Variants in EGFL6 observed in about 807,000 individuals in gnomAD.
EGFL6 encodes epidermal growth factor-like protein 6.
Under a neutral mutation model 43.1 loss-of-function variants are expected in EGFL6, and 42 were observed. That is an observed-to-expected ratio of 0.98 (90% CI 0.76 to 1.26). The LOEUF is 1.26. Among genes scored for constraint, EGFL6 ranks in the 50% most tolerant of loss-of-function variants. The pLI, the probability that EGFL6 is intolerant of heterozygous loss-of-function variation, is 0.00. For synonymous variants in EGFL6, 164 were observed against 163.2 expected (o/e 1.01, Z -0.04); for missense variants, 429 against 427.8 (o/e 1.00, Z -0.02).
chrX:13,587,048 T>A (rs1351926398), intron 1 of EGFL6, among the ~76,000 whole-genome samples: 2 of 111,645 alleles, frequency 1.8e-5, no homozygotes, highest in Non-Finnish European at 3.8e-5. Flanking sequence ...AAAAGCAGAT[T>A]TGTGGTTGCC....
rs1389898648 is a variant in EGFL6 at position 13,626,280 on chromosome X, G to A, written c.1286-731G>A. Among the ~76,000 whole-genome samples, 5 of 111,527 alleles carry A rather than the reference G, an allele frequency of 4.5e-5. No homozygotes were observed. The East Asian group carries it at 1.4e-3, about 31-fold the overall frequency. On this transcript the variant is annotated intron_variant, in intron 10 of 11. Transcript: ENST00000361306. ...TCTCCGACTTGCAGTAGCAGAAGAC[G>A]ACCCATTCCCCAATGTCTTCTTCCT...
At chrX:13,583,349 AC>A (rs2045518174) in intron 1 of EGFL6, among the ~76,000 whole-genome samples, 1 of 110,869 alleles carries the variant, frequency 9.0e-6, no homozygotes, top group East Asian at 2.8e-4. Context: ...TTCCTCCAGA[AC>A]ACCCCTCACC....
At chrX:13,597,357 G>A (rs190328933) in intron 3 of EGFL6, among the ~76,000 whole-genome samples, 1,303 of 111,640 alleles carry the variant, frequency 0.012, 20 homozygotes, top group African/African-American at 0.04. Context: ...TGAAATAGCC[G>A]CTCTTTGAGC....
Position 13,617,913 on chromosome X carries a change from T to G in EGFL6, c.962T>G (p.Ile321Arg). Residue 321 changes from isoleucine (I) to arginine (R), a missense_variant, in exon 8 of 12, where the codon ATA (isoleucine) becomes AGA (arginine). By Grantham distance (97) the Ile-to-Arg change is moderately conservative. Transcript: ENST00000361306. ...TTGCAGCCCTTCAACTATGAAGAGA[T>G]AGTTTCCAGAGGCGGGAACTCTCAT... ...VNLQPFNYEE[I>R]VSRGGNSHGG... 2 of 1,211,408 alleles carry G rather than the reference T, an allele frequency of 1.7e-6. No individual in the cohort carries two copies. The highest frequency in any genetic ancestry group is 2.2e-6 in the Non-Finnish European group (2 of 895,461).
intron 1 of EGFL6, among the ~76,000 whole-genome samples, chrX:13,583,181 T>C (rs2045517058): frequency 9.1e-6 from 1 of 110,117 alleles, no homozygotes; most frequent in Non-Finnish European, 1.9e-5. Flanking sequence ...CACACCACGA[T>C]CTACACTCAA....
At chrX:13,626,686 A>G (rs895183116) in intron 10 of EGFL6, among the ~76,000 whole-genome samples, 1 of 112,331 alleles carries the variant, frequency 8.9e-6, no homozygotes. Context: ...ATGGAACACA[A>G]GTTCTCCATC....
chrX:13,603,421 G>A lies in EGFL6; in HGVS notation c.505G>A (p.Gly169Arg). The change falls in exon 5 of 12, where the codon GGA becomes AGA. Residue 169 changes from glycine (G) to arginine (R), a missense_variant. Coordinates refer to ENST00000361306, the MANE Select transcript of EGFL6 (RefSeq NM_015507.4). ...CTCAGGACTCCGCCTGGCCCCAAAT[G>A]GAAGAGACTGTCTAGGTACAACAGC... Reference protein sequence around the residue: ...PSSGLRLAPNGRDCLDIDECA... With the variant: ...PSSGLRLAPNRRDCLDIDECA... 8.3e-7 allele frequency: 1 copy of A among 1,208,480 alleles called. No homozygotes were observed. Among genetic ancestry groups the A allele is most frequent in the Non-Finnish European group, 1.1e-6 (1 of 894,254 alleles).
intron 7 of EGFL6, among the ~76,000 whole-genome samples, chrX:13,614,749 ATT>A (rs144356394): frequency 2.3e-4 from 22 of 94,311 alleles, no homozygotes; most frequent in Non-Finnish European, 2.1e-4. Flanking sequence ...CTCCCTCCAT[ATT>A]TTTTTTTTTT....
chrX:13,615,781 G>A (rs1023359267), intron 7 of EGFL6, among the ~76,000 whole-genome samples: 1 of 111,702 alleles, frequency 9.0e-6, no homozygotes, highest in African/African-American at 3.3e-5. Flanking sequence ...TTTTTCCCCC[G>A]TTTGGTTACC....
intron 1 of EGFL6, among the ~76,000 whole-genome samples, chrX:13,570,402 C>T (rs2045434407): frequency 9.0e-6 from 1 of 111,458 alleles, no homozygotes; most frequent in South Asian, 3.8e-4. Context: ...GGGAAAGAAA[C>T]CGAGGACGAT....
chrX:13,631,722 G>T (rs760358109), intron 11 of EGFL6, among the ~76,000 whole-genome samples: 14 of 111,932 alleles, frequency 1.3e-4, no homozygotes, highest in Admixed American at 1.9e-4. Context: ...GGAAGGCAGA[G>T]GTTGCAGTGA....
At chrX:13,597,356 C>T (rs1333065084) in intron 3 of EGFL6, among the ~76,000 whole-genome samples, 2 of 111,772 alleles carry the variant, frequency 1.8e-5, no homozygotes, top group East Asian at 2.8e-4. Flanking sequence ...CTGAAATAGC[C>T]GCTCTTTGAG....
At chrX:13,580,790 A>T (rs1368444476) in intron 1 of EGFL6, among the ~76,000 whole-genome samples, 1 of 112,289 alleles carries the variant, frequency 8.9e-6, no homozygotes, top group Non-Finnish European at 1.9e-5. Context: ...ACTTTCCACC[A>T]GATTAAGAAT....
chrX:13,589,710 C>T (rs1281154378), intron 2 of EGFL6, 42 bp downstream of exon 2: 1 of 1,114,520 alleles, frequency 9.0e-7, no homozygotes, highest in African/African-American at 1.8e-5. Flanking sequence ...GGATCAGGGC[C>T]CTTAGGTTTT....
intron 2 of EGFL6, among the ~76,000 whole-genome samples, chrX:13,593,716 G>C (rs1042953616): frequency 1.8e-5 from 2 of 111,895 alleles, no homozygotes; most frequent in Non-Finnish European, 3.8e-5. Context: ...ATGAGTTGGT[G>C]GTAGAAACAG....
chrX:13,601,651 C>G (rs750868433), intron 4 of EGFL6, among the ~76,000 whole-genome samples: 1 of 112,256 alleles, frequency 8.9e-6, no homozygotes, highest in South Asian at 3.7e-4. Flanking sequence ...TCACGTAGAT[C>G]TTCTGCTAGC....
chrX:13,616,393 C>T (rs1027375691), intron 7 of EGFL6, among the ~76,000 whole-genome samples: 3 of 111,260 alleles, frequency 2.7e-5, no homozygotes, highest in Admixed American at 1.9e-4. Context: ...GTGGATCACC[C>T]GAGGTCAGGG....
intron 11 of EGFL6, among the ~76,000 whole-genome samples, chrX:13,629,050 A>T (rs1371624642): frequency 8.8e-6 from 1 of 113,026 alleles, no homozygotes. Flanking sequence ...GTCATGAGAC[A>T]TGACTATAAA....
intron 5 of EGFL6, 131 bp from the exon 6 acceptor site, chrX:13,606,248 G>T (rs1422731289): frequency 1.6e-6 from 1 of 632,847 alleles, no homozygotes; most frequent in African/African-American, 2.2e-5. Flanking sequence ...CTTGCCAGAG[G>T]ATATGATGTT....
Sources: allele counts gnomAD v4.1 joint callset (sites outside exome capture counted in the v4.1 genomes callset), GRCh38; gene constraint gnomAD v4.1.1; transcripts MANE v1.5; gene names NCBI Gene and HGNC (gene_info 2026-07-23, HGNC 2026-07-21).